Variants in PHKA1 observed in about 807,000 individuals in gnomAD.
The protein encoded by PHKA1 is phosphorylase b kinase regulatory subunit alpha, skeletal muscle isoform.
In PHKA1, 60 loss-of-function variants were observed where a neutral mutation model predicts 110.2. The ratio of observed to expected loss-of-function variants is 0.54; its 90% confidence interval spans 0.44 to 0.68. The LOEUF (loss-of-function observed/expected upper bound fraction) is 0.68. PHKA1 is among the 30% of genes least tolerant of loss of function. The pLI is 0.00. For missense variants in PHKA1, 801 were observed against 942.5 expected (o/e 0.85, Z 1.97); for synonymous variants, 316 against 333.6 (o/e 0.95, Z 0.58).
intron 10 of PHKA1, among the ~76,000 whole-genome samples, chrX:72,655,154 T>TC (rs2053477299): frequency 9.0e-6 from 1 of 110,988 alleles, no homozygotes; most frequent in African/African-American, 3.3e-5. Flanking sequence ...ATGCCTGTAA[T>TC]CCCAGCACTT....
At chrX:72,620,990 C>T in intron 18 of PHKA1, 89 bp from the exon 19 acceptor site, 1 of 986,577 alleles carries the variant, frequency 1.0e-6, no homozygotes, top group Non-Finnish European at 1.4e-6. Flanking sequence ...GAATGATTGG[C>T]TCCTGTGCTC....
chrX:72,618,836 C>T lies in PHKA1; in HGVS notation c.2243G>A (p.Arg748His), dbSNP rs2147704831. The T allele has an allele frequency of 5.0e-6, 6 of 1,204,554 alleles. No homozygotes were observed. The highest frequency in any genetic ancestry group is 5.6e-6 in the Non-Finnish European group (5 of 889,291). The change falls in exon 21 of 32, where the codon CGT becomes CAT. Residue 748 changes from arginine (R) to histidine (H), a missense_variant. Coordinates refer to ENST00000373542, the MANE Select transcript of PHKA1 (RefSeq NM_002637.4). ...PRQENQVPSVRVEIHLPRDQS... is the reference protein window; with the variant it reads ...PRQENQVPSVHVEIHLPRDQS... ...GTCTCTAGGAAGATGTATTTCTACA[C>T]GAACAGAGGGAACCTTTAGTTTGAG...
chrX:72,660,540 C>A, intron 8 of PHKA1: 1 of 388,430 alleles, frequency 2.6e-6, no homozygotes. Flanking sequence ...CCATAACAGC[C>A]CAATGTTCCT....
At chrX:72,713,701 C>CACA in intron 1 of PHKA1, 102 bp downstream of exon 1, 1 of 613,656 alleles carries the variant, frequency 1.6e-6, no homozygotes, top group Middle Eastern at 3.1e-4. Context: ...CACACACACA[C>CACA]CCACACACGC....
chrX:72,597,145 A>T (rs782653954), intron 28 of PHKA1, among the ~76,000 whole-genome samples: 29 of 112,182 alleles, frequency 2.6e-4, no homozygotes, highest in African/African-American at 7.1e-4. Flanking sequence ...GTAGGCCAGA[A>T]CTGCTATTCT....
rs149226271 is a variant in PHKA1 at position 72,618,312 on chromosome X, T to C, written c.2369+398A>G. ...AGTACCTAGCAGGATGCCTGACACA[T>C]AGCAAACAAAAATGTTAGTTTCTTT... On this transcript the variant is annotated intron_variant, in intron 21 of 31. Coordinates refer to ENST00000373542, the MANE Select transcript of PHKA1 (RefSeq NM_002637.4). Among the ~76,000 whole-genome samples, 488 of 111,876 alleles carry C rather than the reference T, an allele frequency of 4.4e-3. 1 individual carries two copies. Among genetic ancestry groups the C allele is most frequent in the Non-Finnish European group, 7.2e-3 (381 of 53,133 alleles).
At chrX:72,598,079 C>T (rs889085084) in intron 28 of PHKA1, among the ~76,000 whole-genome samples, 1 of 111,392 alleles carries the variant, frequency 9.0e-6, no homozygotes, top group Non-Finnish European at 1.9e-5. Flanking sequence ...GAAAAGACAA[C>T]CCACAGGATG....
chrX:72,586,158 A>G (rs781938072), intron 29 of PHKA1, among the ~76,000 whole-genome samples: 5 of 111,752 alleles, frequency 4.5e-5, no homozygotes, highest in African/African-American at 1.3e-4. Context: ...TAACTGGGAG[A>G]CACCTCCTAC....
intron 4 of PHKA1, 55 bp downstream of exon 4, chrX:72,695,653 T>G: frequency 8.9e-7 from 1 of 1,123,071 alleles, no homozygotes; most frequent in Non-Finnish European, 1.2e-6. Context: ...GAATATTAAT[T>G]AGTACCCCAG....
At chrX:72,709,194 C>A (rs1284991338) in intron 2 of PHKA1, among the ~76,000 whole-genome samples, 1 of 110,523 alleles carries the variant, frequency 9.0e-6, no homozygotes, top group African/African-American at 3.3e-5. Flanking sequence ...TGAATGACCA[C>A]ACAAAAAGAA....
At chrX:72,677,350 T>A (rs1490618369) in intron 5 of PHKA1, among the ~76,000 whole-genome samples, 1 of 112,106 alleles carries the variant, frequency 8.9e-6, no homozygotes, top group Non-Finnish European at 1.9e-5. Flanking sequence ...TCAATTCCAC[T>A]GTTACTATTT....
At chrX:72,712,316 T>C (rs1556335115) in intron 2 of PHKA1, 4 of 127,318 alleles carry the variant, frequency 3.1e-5, no homozygotes, top group Non-Finnish European at 6.4e-5. Flanking sequence ...GCTATAAAAA[T>C]CAACAGATAA....
At chrX:72,660,159 C>T (rs1556303404) in intron 8 of PHKA1, among the ~76,000 whole-genome samples, 2 of 111,934 alleles carry the variant, frequency 1.8e-5, no homozygotes, top group Non-Finnish European at 3.8e-5. Flanking sequence ...TTTCTTGACA[C>T]ACCCTGGTTG....
chrX:72,711,764 A>T (rs1272136595), intron 2 of PHKA1, among the ~76,000 whole-genome samples: 3 of 111,537 alleles, frequency 2.7e-5, no homozygotes, highest in African/African-American at 9.8e-5. Flanking sequence ...AAAAAGTCAT[A>T]AAAATAATGA....
At chrX:72,655,539 G>C (rs2053482564) in intron 10 of PHKA1, among the ~76,000 whole-genome samples, 1 of 112,839 alleles carries the variant, frequency 8.9e-6, no homozygotes, top group African/African-American at 3.2e-5. Context: ...TTAATGAATG[G>C]GGAAAAACTA....
chrX:72,712,922 A>C lies in PHKA1; in HGVS notation c.94T>G (p.Leu32Val). Residue 32 changes from leucine to valine, a missense_variant, in exon 2 of 32, where the codon TTG becomes GTG. Coordinates refer to ENST00000373542, the MANE Select transcript of PHKA1 (RefSeq NM_002637.4). ...ILCHQNPVTG[L>V]LPASYDQKDA... Reference sequence around the variant, plus strand: ...TTCTGATCATAGCTGGCTGGAAGCAAGCCAGTCACTGGATTCTGCAAGGTC... The same window carrying C: ...TTCTGATCATAGCTGGCTGGAAGCACGCCAGTCACTGGATTCTGCAAGGTC... 8.3e-7 allele frequency: 1 copy of C among 1,211,751 alleles called. No individual in the cohort carries two copies. Among genetic ancestry groups the C allele is most frequent in the Non-Finnish European group, 1.1e-6 (1 of 895,463 alleles).
intron 6 of PHKA1, 48 bp downstream of exon 6, chrX:72,676,022 C>G: frequency 1.1e-6 from 1 of 942,095 alleles, no homozygotes; most frequent in Non-Finnish European, 1.5e-6. Context: ...CAAAGGGATA[C>G]CAGACTTCCT....
At chrX:72,592,692 GGTTTTACTCTACTGATACATTT>G (rs1454549196) in intron 29 of PHKA1, among the ~76,000 whole-genome samples, 1 of 112,237 alleles carries the variant, frequency 8.9e-6, no homozygotes, top group Non-Finnish European at 1.9e-5. Context: ...ACTGATACTT[GGTTTTACTCTACTGATACATTT>G]GTTTTACTCT....
intron 9 of PHKA1, 93 bp downstream of exon 9, chrX:72,657,495 G>T: frequency 6.4e-6 from 4 of 623,455 alleles, no homozygotes; most frequent in Middle Eastern, 3.0e-4. Flanking sequence ...ATCTCTATAA[G>T]TACCATCAGT....
Sources: allele counts gnomAD v4.1 joint callset (sites outside exome capture counted in the v4.1 genomes callset), GRCh38; gene constraint gnomAD v4.1.1; transcripts MANE v1.5; gene names NCBI Gene and HGNC (gene_info 2026-07-23, HGNC 2026-07-21).